Variants in ANKAR observed in about 807,000 individuals in gnomAD.
ANKAR encodes the protein ankyrin and armadillo repeat-containing protein.
In ANKAR, 136 loss-of-function variants were observed where a neutral mutation model predicts 146.2. The observed-to-expected ratio is 0.93, with a 90% CI of 0.81 to 1.07. ANKAR has a LOEUF of 1.07. ANKAR is among the 50% of genes least tolerant of loss of function. The pLI, the probability that ANKAR is intolerant of heterozygous loss-of-function variation, is 0.00. For missense variants in ANKAR, 1,567 were observed against 1,679.9 expected (o/e 0.93, Z 1.18); for synonymous variants, 500 against 575.8 (o/e 0.87, Z 1.88).
intron 17 of ANKAR, among the ~76,000 whole-genome samples, chr2:189,734,203 C>T (rs1163693387): frequency 3.9e-5 from 6 of 152,162 alleles, no homozygotes; most frequent in Admixed American, 6.5e-5. Flanking sequence ...CATAGTTCTT[C>T]GCTGTTTTTC....
At chr2:189,681,451 G>A (rs1347358227) in intron 2 of ANKAR, among the ~76,000 whole-genome samples, 13 of 152,204 alleles carry the variant, frequency 8.5e-5, no homozygotes, top group Admixed American at 8.5e-4. Flanking sequence ...CACCCTCTAT[G>A]AGGATTCCCT....
At chr2:189,761,388 A>G (rs2106103062), downstream of ANKAR, 1 of 1,560,890 alleles carries the variant, frequency 6.4e-7, no homozygotes, top group South Asian at 1.2e-5. Flanking sequence ...TTTTCCAAAA[A>G]AGTGGAAATG....
chr2:189,715,538 G>A (rs1473243594), intron 10 of ANKAR, among the ~76,000 whole-genome samples: 1 of 152,198 alleles, frequency 6.6e-6, no homozygotes, highest in Non-Finnish European at 1.5e-5. Flanking sequence ...CATTCCTTCT[G>A]AAACTATTTC....
At chr2:189,703,037 G>A (rs2038314979) in intron 7 of ANKAR, among the ~76,000 whole-genome samples, 1 of 152,174 alleles carries the variant, frequency 6.6e-6, no homozygotes, top group Non-Finnish European at 1.5e-5. Context: ...GTAACCTGGG[G>A]CGTGTGATTA....
chr2:189,692,605 G>A (rs2036589278), intron 4 of ANKAR, 187 bp downstream of exon 4: 5 of 491,944 alleles, frequency 1.0e-5, no homozygotes, highest in Middle Eastern at 5.2e-4. Flanking sequence ...GTAAGGTACT[G>A]TGTTGGATAT....
chr2:189,728,047 A>G lies in ANKAR; in HGVS notation c.2827A>G (p.Lys943Glu). ...GGCAAGTCACAACGCTCTTATACAG[A>G]AAGCATTTCTGGAAAAATCGTTAAC... ...SLASHNALIQ[K>E]AFLEKSLTKY... Residue 943 changes from lysine to glutamate, a missense_variant, in exon 13 of 23, where the codon AAA becomes GAA. Physicochemically the swap from Lys to Glu is moderately conservative, Grantham distance 56. Coordinates refer to ENST00000684021, the MANE Select transcript of ANKAR (RefSeq NM_001378068.1). 2 of 1,613,300 alleles carry G rather than the reference A, an allele frequency of 1.2e-6. No homozygotes were observed. The highest frequency in any genetic ancestry group is 1.7e-6 in the Non-Finnish European group (2 of 1,179,574).
At chr2:189,762,141 A>G (rs986346881), downstream of ANKAR, among the ~76,000 whole-genome samples, 4 of 152,234 alleles carry the variant, frequency 2.6e-5, no homozygotes, top group Non-Finnish European at 5.9e-5. Flanking sequence ...ATAAACACAC[A>G]CACGCCAACT....
intron 7 of ANKAR, 21 bp downstream of exon 7, chr2:189,696,390 C>G (rs1489587988): frequency 6.3e-7 from 1 of 1,596,412 alleles, no homozygotes; most frequent in African/African-American, 1.4e-5. Context: ...GTTTTTTAAC[C>G]TAAAATGTTG....
At position 189,738,941 on chromosome 2, in the gene ANKAR, T is replaced by TC. The variant is rs200609605; in HGVS notation, c.3700+259_3700+260insC. 3.9e-3 allele frequency among the ~76,000 whole-genome samples: 595 copies of TC among 151,940 alleles called. 8 individuals carry two copies. Among genetic ancestry groups the TC allele is most frequent in the Middle Eastern group, 3.4e-3 (1 of 294 alleles). On this transcript the variant is annotated intron_variant, in intron 19 of 22. Transcript: ENST00000684021. ...TAATTACTTTTTCAAACCCTTAACT[T>TC]TTTTTTCCAAGATATAAATGAGAAT...
At chr2:189,716,686 A>C (rs994422934) in intron 10 of ANKAR, among the ~76,000 whole-genome samples, 27 of 152,350 alleles carry the variant, frequency 1.8e-4, no homozygotes, top group African/African-American at 5.8e-4. Flanking sequence ...CTGACTCCAA[A>C]CTATACTACA....
At chr2:189,683,889 A>G (rs2035128595) in intron 2 of ANKAR, among the ~76,000 whole-genome samples, 1 of 152,210 alleles carries the variant, frequency 6.6e-6, no homozygotes, top group Non-Finnish European at 1.5e-5. Context: ...GTCTTGGCCA[A>G]GTTAACCTTT....
In ANKAR at chr2:189,727,523, C is replaced by CAAAA. The variant is rs777516459; in HGVS notation, c.2636-313_2636-310dup. ...TGGGTGATAGAGCCAAACCTTGTCT[C>CAAAA]AAAAAAAAAAAAAAAAAAAAAAAGG... is the stretch of plus-strand genomic sequence containing the variant. On this transcript the variant is annotated intron_variant, in intron 12 of 22. Transcript: ENST00000684021. 9.1e-3 allele frequency among the ~76,000 whole-genome samples: 529 copies of CAAAA among 58,452 alleles called. 30 individuals carry two copies. Among genetic ancestry groups the CAAAA allele is most frequent in the African/African-American group, 0.029 (388 of 13,312 alleles). 38.3% of individuals were successfully genotyped at this position (58,452 alleles called of 152,430 possible).
At chr2:189,761,318 AATAAGACAGT>A (rs1383284722), downstream of ANKAR, 5 of 1,261,630 alleles carry the variant, frequency 4.0e-6, no homozygotes, top group Middle Eastern at 2.8e-4. Flanking sequence ...TGCAAAAAGG[AATAAGACAGT>A]AGCTCCTGAA....
Position 189,738,550 on chromosome 2 carries a change from C to T in ANKAR, c.3583-15C>T, listed in dbSNP as rs2043056084. 2.0e-6 allele frequency: 3 copies of T among 1,479,698 alleles called. No individual in the cohort carries two copies. Among genetic ancestry groups the T allele is most frequent in the Non-Finnish European group, 2.8e-6 (3 of 1,076,024 alleles). 91.7% of individuals were successfully genotyped at this position (1,479,698 alleles called of 1,614,324 possible). A position where few individuals can be genotyped will look rare whatever the true frequency, so the allele number is the denominator to read the frequency against. On this transcript the variant is annotated splice_polypyrimidine_tract_variant and intron_variant, in intron 18 of 22. Coordinates refer to ENST00000684021, the MANE Select transcript of ANKAR (RefSeq NM_001378068.1). ...GAAAATGTTCAAAGACTCTCTGCTT[C>T]TTTTCTGTTTTCAGATTGTTGTACT...
chr2:189,730,560 C>T lies in ANKAR; in HGVS notation c.3259C>T (p.Leu1087Phe), dbSNP rs755925942. 6.9e-6 allele frequency: 11 copies of T among 1,602,326 alleles called. No individual in the cohort carries two copies. The African/African-American group carries it at 1.5e-4, about 22-fold the overall frequency. Reference sequence around the variant, plus strand: ...TGTAGATGAAAATGCCTTTCCAGTACTTATCCAACTACTAAGAAATCACCC... The same window carrying T: ...TGTAGATGAAAATGCCTTTCCAGTATTTATCCAACTACTAAGAAATCACCC... ...LVVDENAFPV[L>F]IQLLRNHPSP... Residue 1087 changes from leucine to phenylalanine, a missense_variant, in exon 16 of 23, where the codon CTT becomes TTT. Coordinates refer to ENST00000684021, the MANE Select transcript of ANKAR (RefSeq NM_001378068.1).
chr2:189,749,340 T>C (rs2044729498), downstream of ANKAR, among the ~76,000 whole-genome samples: 1 of 150,796 alleles, frequency 6.6e-6, no homozygotes, highest in African/African-American at 2.4e-5. Context: ...GAGGCTGAAG[T>C]TGGAGGATTA....
intron 2 of ANKAR, among the ~76,000 whole-genome samples, chr2:189,678,139 G>A (rs893078383): frequency 2.0e-5 from 3 of 151,978 alleles, no homozygotes; most frequent in Admixed American, 6.6e-5. Flanking sequence ...CCATTCTTGC[G>A]GGAGTAAGAT....
At position 189,711,172 on chromosome 2, in the gene ANKAR, A is replaced by G. The variant is rs759611507; in HGVS notation, c.2224+19A>G. On this transcript the variant is annotated intron_variant, in intron 10 of 22. Coordinates refer to ENST00000684021, the MANE Select transcript of ANKAR (RefSeq NM_001378068.1). ...GATGCAGGTGATGCAAACTCTATTA[A>G]TAACTTTTTATGCTATTTTATGTAG... 15 of 1,543,926 alleles carry G rather than the reference A, an allele frequency of 9.7e-6. No homozygotes were observed. The Admixed American group carries it at 2.4e-4, about 25-fold the overall frequency.
At chr2:189,735,075 A>G (rs1225095) in intron 17 of ANKAR, among the ~76,000 whole-genome samples, 150,560 of 151,580 alleles carry the variant, frequency 0.99, 74,780 homozygotes, top group Middle Eastern at 1. Flanking sequence ...ATGAATGTCT[A>G]CCTGACTCTC....
Sources: gnomAD v4.1 joint callset for allele counts (sites outside exome capture counted in the v4.1 genomes callset) on GRCh38, gnomAD v4.1.1 for gene constraint, MANE v1.5 for transcripts, NCBI Gene and HGNC (gene_info 2026-07-23, HGNC 2026-07-21) for gene names.